The following NIPAL4 variants were observed in gnomAD, a reference collection of about 807,000 sequenced individuals.
NIPAL4 encodes NIPA like domain containing 4, also known as magnesium transporter NIPA4.
Under a neutral mutation model 31.6 loss-of-function variants are expected in NIPAL4, and 21 were observed. That is an observed-to-expected ratio of 0.67 (90% CI 0.47 to 0.96). The LOEUF (loss-of-function observed/expected upper bound fraction) is 0.96. Ranked by LOEUF, NIPAL4 falls within the 40% of genes least tolerant of loss-of-function variation. The pLI is 0.00. For synonymous variants in NIPAL4, 175 were observed against 211.1 expected (o/e 0.83, Z 1.48); for missense variants, 438 against 508.0 (o/e 0.86, Z 1.32).
chr5:157,469,619 T>G (rs1457367324), intron 4 of NIPAL4, among the ~76,000 whole-genome samples: 3 of 152,160 alleles, frequency 2.0e-5, no homozygotes, highest in Non-Finnish European at 2.9e-5. Context: ...TAATTGATAC[T>G]AAATGTCTGT....
rs557848823 is a variant in NIPAL4 at position 157,465,992 on chromosome 5, A to T, written c.278-1057A>T. Among the ~76,000 whole-genome samples the T allele has an allele frequency of 3.2e-4, 47 of 148,526 alleles. No homozygotes were observed. The South Asian group carries it at 9.9e-3, about 31-fold the overall frequency. On this transcript the variant is annotated intron_variant, in intron 2 of 5. Transcript: ENST00000311946. The stretch of plus-strand genomic sequence containing the variant: ...CCTGGGTGACCGAGGGAGACCCTGC[A>T]GTGGAGGAGGGAGGGAAGGAAAAAG...
chr5:157,465,566 C>T (rs1754249474), intron 2 of NIPAL4, among the ~76,000 whole-genome samples: 1 of 152,150 alleles, frequency 6.6e-6, no homozygotes, highest in South Asian at 2.1e-4. Flanking sequence ...GACTACGTGC[C>T]AGGTCCTGAA....
At chr5:157,466,732 G>C (rs952497368) in intron 2 of NIPAL4, among the ~76,000 whole-genome samples, 2 of 152,164 alleles carry the variant, frequency 1.3e-5, no homozygotes, top group Non-Finnish European at 2.9e-5. Context: ...TTGGCAGGTG[G>C]GTGGGGAACA....
chr5:157,466,734 T>C (rs1337324905), intron 2 of NIPAL4, among the ~76,000 whole-genome samples: 1 of 152,064 alleles, frequency 6.6e-6, no homozygotes, highest in African/African-American at 2.4e-5. Context: ...GGCAGGTGGG[T>C]GGGGAACATT....
In NIPAL4 at chr5:157,474,100, G is replaced by T. The variant is rs74580303; in HGVS notation, c.*1140G>T. 0.037 allele frequency: 5,581 copies of T among 152,330 alleles called. 130 individuals carry two copies. Among genetic ancestry groups the T allele is most frequent in the Middle Eastern group, 0.061 (18 of 294 alleles). The allele number at this position is 152,330 out of a possible 1,614,324, so 9.4% of individuals were successfully genotyped here. A position where few individuals can be genotyped will look rare whatever the true frequency, so the allele number is the denominator to read the frequency against. The stretch of plus-strand genomic sequence containing the variant: ...TGTGAATCTCAATGGCCAACTGGAG[G>T]TGCAGACTTGGCATGGGGTGCATTC... On this transcript the variant is annotated 3_prime_UTR_variant, in exon 6 of 6. Coordinates refer to ENST00000311946, the MANE Select transcript of NIPAL4 (RefSeq NM_001099287.2).
chr5:157,463,001 A>G, intron 1 of NIPAL4, 93 bp from the exon 2 acceptor site: 1 of 1,515,320 alleles, frequency 6.6e-7, no homozygotes, highest in Non-Finnish European at 9.0e-7. Flanking sequence ...GCAGTAGCGG[A>G]AGCACAGGGT....
chr5:157,469,727 C>A (rs371364395), intron 4 of NIPAL4, among the ~76,000 whole-genome samples: 1 of 152,188 alleles, frequency 6.6e-6, no homozygotes, highest in Non-Finnish European at 1.5e-5. Context: ...TGATTGTTGG[C>A]GTAACCTTGG....
chr5:157,471,819 T>G lies in NIPAL4; in HGVS notation c.586+2T>G, dbSNP rs760616453. The G allele has an allele frequency of 6.3e-7, 1 of 1,580,796 alleles. No individual in the cohort carries two copies. The highest frequency in any genetic ancestry group is 1.2e-5 in the South Asian group (1 of 86,254). On this transcript the variant is annotated splice_donor_variant, in intron 5 of 5. Transcript: ENST00000311946. LOFTEE classifies it high-confidence loss of function. ...TGGCTTCCAAGATGAAAGACACAGGTAGACTCCAAGCCCCTGAAGAGCAGG... is the reference window on the plus strand; with the variant it reads ...TGGCTTCCAAGATGAAAGACACAGGGAGACTCCAAGCCCCTGAAGAGCAGG...
chr5:157,462,522 C>G (rs1754137075), intron 1 of NIPAL4, among the ~76,000 whole-genome samples: 1 of 152,116 alleles, frequency 6.6e-6, no homozygotes, highest in African/African-American at 2.4e-5. Context: ...AAACAAAAAG[C>G]CTCTTAGGAG....
At chr5:157,462,150 C>T (rs758193692) in intron 1 of NIPAL4, among the ~76,000 whole-genome samples, 3 of 152,210 alleles carry the variant, frequency 2.0e-5, no homozygotes, top group Non-Finnish European at 2.9e-5. Context: ...AGGCCAAGCA[C>T]GTGCTAGAAA....
rs1581265715 is a variant in NIPAL4, at chr5:157,463,277, T to A, written c.221T>A (p.Val74Asp). 1.2e-6 allele frequency: 2 copies of A among 1,613,912 alleles called. No individual in the cohort carries two copies. Among genetic ancestry groups the A allele is most frequent in the Non-Finnish European group, 1.7e-6 (2 of 1,179,810 alleles). Residue 74 changes from valine to aspartate, a missense_variant, in exon 2 of 6, where the codon GTC becomes GAC. Coordinates refer to ENST00000311946, the MANE Select transcript of NIPAL4 (RefSeq NM_001099287.2). ...TCTAGCTTCCTCATCGGCAGCAGCG[T>A]CATCCTCAAGAAGAAAGGCCTCTTG... ...FLSSFLIGSS[V>D]ILKKKGLLRL...
chr5:157,463,171 AGCAATGCCACCTTTCACAGCTG>A lies in NIPAL4; in HGVS notation c.119_140del (p.Asn40ArgfsTer54), dbSNP rs758453838. ...CAATGACCTCAGCCCTGAGGTGCCC[AGCAATGCCACCTTTCACAGCTG>A]GCAGGAAAGAATCAGGCAGAACTAT... is the stretch of plus-strand genomic sequence containing the variant. On this transcript the variant is annotated frameshift_variant, in exon 2 of 6. Transcript: ENST00000311946. LOFTEE classifies it high-confidence loss of function. 6.2e-7 allele frequency: 1 copy of A among 1,614,008 alleles called. No homozygotes were observed. The highest frequency in any genetic ancestry group is 1.1e-5 in the South Asian group (1 of 91,080).
At chr5:157,470,270 G>A (rs991542772) in intron 4 of NIPAL4, among the ~76,000 whole-genome samples, 2 of 152,088 alleles carry the variant, frequency 1.3e-5, no homozygotes, top group Non-Finnish European at 2.9e-5. Context: ...GCTTCTGCTG[G>A]CTCGCCTCGA....
rs574945576 is a variant in NIPAL4, at chr5:157,462,420, A to C, written c.38-674A>C. 2.1e-3 allele frequency among the ~76,000 whole-genome samples: 316 copies of C among 152,302 alleles called. 2 individuals are homozygous for C. The highest frequency in any genetic ancestry group is 1.2e-3 in the Non-Finnish European group (82 of 68,020). ...GTAATCTTAGTGCTTTGGGAGGCTG[A>C]GGCAGGAGGATAGCTTGAGGCTAGG... On this transcript the variant is annotated intron_variant, in intron 1 of 5. Transcript: ENST00000311946.
At chr5:157,461,983 T>G (rs1381668195) in intron 1 of NIPAL4, among the ~76,000 whole-genome samples, 1 of 152,180 alleles carries the variant, frequency 6.6e-6, no homozygotes, top group Non-Finnish European at 1.5e-5. Context: ...TGCTTGACCA[T>G]GGACTTTGGG....
rs1360354007 is a variant in NIPAL4, at chr5:157,474,703, T to A, written c.*1743T>A. On this transcript the variant is annotated 3_prime_UTR_variant, in exon 6 of 6. Transcript: ENST00000311946. Reference sequence around the variant, plus strand: ...GGTCTGCAGGGTCAAGAATAAAGATTACAGATTATATTTACTTGATACTTG... The same window carrying A: ...GGTCTGCAGGGTCAAGAATAAAGATAACAGATTATATTTACTTGATACTTG... The A allele has an allele frequency of 3.9e-5, 6 of 152,178 alleles. No homozygotes were observed. Among genetic ancestry groups the A allele is most frequent in the Admixed American group, 3.9e-4 (6 of 15,280 alleles). 9.4% of individuals were successfully genotyped at this position (152,178 alleles called of 1,614,324 possible).
At chr5:157,468,207 G>A (rs867789782) in intron 3 of NIPAL4, among the ~76,000 whole-genome samples, 3 of 151,976 alleles carry the variant, frequency 2.0e-5, no homozygotes, top group South Asian at 4.2e-4. Context: ...GAGGCAACGC[G>A]CCCAGCCAGA....
intron 1 of NIPAL4, among the ~76,000 whole-genome samples, chr5:157,460,936 T>C (rs1365066742): frequency 1.3e-5 from 2 of 152,172 alleles, no homozygotes; most frequent in Non-Finnish European, 2.9e-5. Context: ...TTTTACTATC[T>C]TGCTATCCCC....
chr5:157,472,020 T>G (rs964164821), intron 5 of NIPAL4, among the ~76,000 whole-genome samples: 2 of 152,224 alleles, frequency 1.3e-5, no homozygotes, highest in Non-Finnish European at 2.9e-5. Context: ...ATGGGTACCA[T>G]TAATAAGTGT....
Sources: allele counts gnomAD v4.1 joint callset (sites outside exome capture counted in the v4.1 genomes callset), GRCh38; gene constraint gnomAD v4.1.1; transcripts MANE v1.5; gene names NCBI Gene and HGNC (gene_info 2026-07-23, HGNC 2026-07-21).